SCLT1: variants seen among roughly 807,000 people sequenced by gnomAD.
SCLT1 encodes the protein sodium channel and clathrin linker 1, also known as sodium channel-associated protein 1.
A neutral mutation model predicts 112.8 loss-of-function variants in SCLT1; 78 were observed. The ratio of observed to expected loss-of-function variants is 0.69; its 90% confidence interval spans 0.58 to 0.83. SCLT1 has a LOEUF of 0.83. SCLT1 is among the 40% of genes least tolerant of loss of function. The probability of loss-of-function intolerance (pLI) is 0.00; values close to 1 mark genes in which losing one functional copy is unlikely to be tolerated. For synonymous variants in SCLT1, 257 were observed against 254.7 expected (o/e 1.01, Z -0.09); for missense variants, 747 against 770.4 (o/e 0.97, Z 0.36).
chr4:128,961,943 CGTT>C (rs1328905386), intron 11 of SCLT1, among the ~76,000 whole-genome samples: 2 of 152,142 alleles, frequency 1.3e-5, no homozygotes, highest in Admixed American at 6.5e-5. Context: ...TGTTGGCTAT[CGTT>C]GTTAAGAGGC....
chr4:128,968,606 A>G (rs114110026), intron 10 of SCLT1, among the ~76,000 whole-genome samples: 1,989 of 152,272 alleles, frequency 0.013, 38 homozygotes, highest in African/African-American at 0.046. Context: ...CACCTCCCCC[A>G]CAAGTATAGG....
At chr4:129,041,510 T>C (rs1747692370) in intron 4 of SCLT1, among the ~76,000 whole-genome samples, 1 of 152,188 alleles carries the variant, frequency 6.6e-6, no homozygotes, top group Admixed American at 6.5e-5. Context: ...ATGCATTAAT[T>C]GATAAATAAG....
At position 129,000,994 on chromosome 4, in the gene SCLT1, G is replaced by A. The variant is rs73847356; in HGVS notation, c.427-1200C>T. Among the ~76,000 whole-genome samples the A allele has an allele frequency of 3.8e-3, 579 of 151,590 alleles. 1 individual carries two copies. The highest frequency in any genetic ancestry group is 0.011 in the African/African-American group (473 of 41,382). Reference sequence around the variant, plus strand: ...TAGGCTAATTAAAAATTTTAAAAGCGGTTTTAAAATTTGTAGATAAACACA... The same window carrying A: ...TAGGCTAATTAAAAATTTTAAAAGCAGTTTTAAAATTTGTAGATAAACACA... On this transcript the variant is annotated intron_variant, in intron 6 of 20. Coordinates refer to ENST00000281142, the MANE Select transcript of SCLT1 (RefSeq NM_144643.4).
chr4:128,936,679 G>T lies in SCLT1; in HGVS notation c.1805C>A (p.Ala602Glu). The T allele has an allele frequency of 6.3e-7, 1 of 1,598,808 alleles. No homozygotes were observed. Among genetic ancestry groups the T allele is most frequent in the Non-Finnish European group, 8.5e-7 (1 of 1,174,836 alleles). Residue 602 changes from alanine to glutamate, a missense_variant, in exon 18 of 21, where the codon GCA (alanine) becomes GAA (glutamate). This residue lies in a region of SCLT1 where 723 missense variants were observed against 721.3 expected (regional missense o/e 1.00). Coordinates refer to ENST00000281142, the MANE Select transcript of SCLT1 (RefSeq NM_144643.4). ...CTTTAGATTATTGATTCTAATTTCT[G>T]CACTTTCAGTAAGTTTCTTCGTTTC... ...KEETKKLTESAEIRINNLKSE... is the reference protein window; with the variant it reads ...KEETKKLTESEEIRINNLKSE...
intron 9 of SCLT1, among the ~76,000 whole-genome samples, chr4:128,974,732 A>C (rs988774288): frequency 6.6e-6 from 1 of 152,128 alleles, no homozygotes; most frequent in Non-Finnish European, 1.5e-5. Flanking sequence ...TTTATGAAGA[A>C]ACTCAATAAT....
At chr4:128,880,791 T>C (rs1471668058), downstream of SCLT1, among the ~76,000 whole-genome samples, 1 of 152,178 alleles carries the variant, frequency 6.6e-6, no homozygotes, top group East Asian at 1.9e-4. Context: ...CTAACTACAG[T>C]GACCCTCGAA....
chr4:129,004,017 A>T (rs527715741), intron 5 of SCLT1, 141 bp from the exon 6 acceptor site: 2 of 725,536 alleles, frequency 2.8e-6, no homozygotes, highest in African/African-American at 1.8e-5. Context: ...AAAAAATTAG[A>T]AGTGTTTAAT....
At chr4:128,876,560 A>ATCT (rs1031821811) in exon 4 of SCLT1, 3 of 152,228 alleles carry the variant, frequency 2.0e-5, no homozygotes, top group African/African-American at 7.2e-5. Flanking sequence ...CAAGGTTGAA[A>ATCT]TCTTCAATAT....
rs185024367 is a variant in SCLT1 at position 128,980,887 on chromosome 4, T to A, written c.687-10419A>T. On this transcript the variant is annotated intron_variant, in intron 9 of 20. Coordinates refer to ENST00000281142, the MANE Select transcript of SCLT1 (RefSeq NM_144643.4). ...ATATAATTTTTTAAAATAATGACAG[T>A]TCAAGAAAATAATTGTGCCCTTAGA... 1.1e-4 allele frequency among the ~76,000 whole-genome samples: 17 copies of A among 152,228 alleles called. No individual in the cohort carries two copies. The East Asian group carries it at 3.3e-3, about 29-fold the overall frequency.
chr4:129,087,709 G>A (rs1333819885), intron 1 of SCLT1, among the ~76,000 whole-genome samples: 6 of 143,046 alleles, frequency 4.2e-5, no homozygotes, highest in Non-Finnish European at 7.5e-5. Context: ...AGCTACTAGT[G>A]TACCATTAAC....
chr4:128,931,620 G>A (rs1414162128), intron 18 of SCLT1, among the ~76,000 whole-genome samples: 4 of 151,964 alleles, frequency 2.6e-5, no homozygotes, highest in Admixed American at 6.6e-5. Flanking sequence ...CTGCCACCAC[G>A]CCCGGCTAAT....
intron 13 of SCLT1, among the ~76,000 whole-genome samples, chr4:128,954,018 C>T (rs73847303): frequency 0.011 from 1,745 of 151,994 alleles, 20 homozygotes; most frequent in Middle Eastern, 0.034. Flanking sequence ...GTGCACAGAG[C>T]ATTTTGAAGA....
intron 9 of SCLT1, among the ~76,000 whole-genome samples, chr4:128,980,090 T>C (rs1741514327): frequency 6.6e-6 from 1 of 152,174 alleles, no homozygotes; most frequent in South Asian, 2.1e-4. Flanking sequence ...CTCAGAAAAC[T>C]AGCTGCCAAC....
At chr4:128,998,125 A>T (rs1037006101) in intron 7 of SCLT1, among the ~76,000 whole-genome samples, 186 bp from the exon 8 acceptor site, 2 of 151,926 alleles carry the variant, frequency 1.3e-5, no homozygotes, top group Non-Finnish European at 2.9e-5. Flanking sequence ...TGATTAAAAA[A>T]TTAAAGTGGC....
At chr4:128,940,270 G>A (rs1270169581) in intron 17 of SCLT1, among the ~76,000 whole-genome samples, 2 of 150,678 alleles carry the variant, frequency 1.3e-5, no homozygotes, top group African/African-American at 4.9e-5. Flanking sequence ...GTACTAGATA[G>A]GGAAAATTCA....
At chr4:128,961,475 T>C (rs1256445664) in intron 11 of SCLT1, among the ~76,000 whole-genome samples, 1 of 152,210 alleles carries the variant, frequency 6.6e-6, no homozygotes, top group Non-Finnish European at 1.5e-5. Flanking sequence ...CTTTATAACA[T>C]GTTTGGTAAG....
rs577606249 is a variant in SCLT1, at chr4:129,024,033, C to T, written c.290+15008G>A. On this transcript the variant is annotated intron_variant, in intron 5 of 20. Transcript: ENST00000281142. ...GGCTTGCTTAGGTAAACAAAGCAGCCGGGAAGCTCGAACTGGGTGGAGCCC... is the reference window on the plus strand; with the variant it reads ...GGCTTGCTTAGGTAAACAAAGCAGCTGGGAAGCTCGAACTGGGTGGAGCCC... 3.9e-5 allele frequency among the ~76,000 whole-genome samples: 6 copies of T among 152,302 alleles called. No homozygotes were observed. In the South Asian group the frequency reaches 6.2e-4, roughly 16 times the overall value.
At chr4:129,006,311 G>A (rs1744013841) in intron 5 of SCLT1, among the ~76,000 whole-genome samples, 1 of 152,042 alleles carries the variant, frequency 6.6e-6, no homozygotes, top group South Asian at 2.1e-4. Context: ...AGGCCGAAGT[G>A]GGTGGATCAC....
chr4:128,936,819 C>G lies in SCLT1; in HGVS notation c.1665G>C (p.Lys555Asn), dbSNP rs761095163. 9.4e-6 allele frequency: 15 copies of G among 1,590,366 alleles called. No individual in the cohort carries two copies. The highest frequency in any genetic ancestry group is 1.3e-5 in the Non-Finnish European group (15 of 1,165,660). Residue 555 changes from lysine (K) to asparagine (N), a missense_variant, in exon 18 of 21, where the codon AAG (lysine) becomes AAC (asparagine). Physicochemically the swap from Lys to Asn is moderately conservative, Grantham distance 94. Transcript: ENST00000281142. Reference sequence around the variant, plus strand: ...TCAATTGAACTTCAAATCCACGTTCCTTTATTGAAAATTCATGTTCCATTG... The same window carrying G: ...TCAATTGAACTTCAAATCCACGTTCGTTTATTGAAAATTCATGTTCCATTG... ...ISTMEHEFSIKERGFEVQLRE... is the reference protein window; with the variant it reads ...ISTMEHEFSINERGFEVQLRE...
Sources: allele counts gnomAD v4.1 joint callset (sites outside exome capture counted in the v4.1 genomes callset), GRCh38; gene constraint gnomAD v4.1.1; regional missense constraint gnomAD v4.1.1; transcripts MANE v1.5; gene names NCBI Gene and HGNC (gene_info 2026-07-23, HGNC 2026-07-21).